Variants in COL4A3 observed in about 807,000 individuals in gnomAD.
COL4A3 encodes collagen type IV alpha 3 chain.
A neutral mutation model predicts 217.4 loss-of-function variants in COL4A3; 135 were observed. The ratio of observed to expected loss-of-function variants is 0.62; its 90% CI spans 0.54 to 0.72. COL4A3 has a LOEUF of 0.72. COL4A3 is among the 30% of genes least tolerant of loss of function. The probability of loss-of-function intolerance (pLI) is 0.00; values close to 1 mark genes in which losing one functional copy is unlikely to be tolerated. For synonymous variants in COL4A3, 690 were observed against 736.3 expected (o/e 0.94, Z 1.02); for missense variants, 1,868 against 2,119.9 (o/e 0.88, Z 2.33).
rs1056425176 is a variant in COL4A3 at position 227,311,897 on chromosome 2, T to A, written c.*27T>A. ...GCTAAAAAAGACAGCAGAACTGCTA[T>A]TTTTCATCCTAAAGAACAAAGTAAT... On this transcript the variant is annotated 3_prime_UTR_variant, in exon 52 of 52. Coordinates refer to ENST00000396578, the MANE Select transcript of COL4A3 (RefSeq NM_000091.5). 1.9e-6 allele frequency: 3 copies of A among 1,613,196 alleles called. No homozygotes were observed. Among genetic ancestry groups the A allele is most frequent in the Non-Finnish European group, 2.5e-6 (3 of 1,179,502 alleles).
At chr2:227,233,456 C>T (rs1348505617) in intron 1 of COL4A3, among the ~76,000 whole-genome samples, 1 of 152,220 alleles carries the variant, frequency 6.6e-6, no homozygotes, top group Non-Finnish European at 1.5e-5. Context: ...TGGACCCTGT[C>T]TCACTAGATT....
intron 1 of COL4A3, among the ~76,000 whole-genome samples, chr2:227,171,733 A>G (rs1458140187): frequency 6.6e-6 from 1 of 152,174 alleles, no homozygotes; most frequent in Non-Finnish European, 1.5e-5. Flanking sequence ...AATTCAACTG[A>G]GGGGCAGAAG....
At chr2:227,296,513 T>C (rs2073035145) in intron 41 of COL4A3, 1 of 982,120 alleles carries the variant, frequency 1.0e-6, no homozygotes, top group Non-Finnish European at 1.2e-6. Context: ...GAAGAGTTCA[T>C]TGAGACTTGG....
rs887921260 is a variant in COL4A3 at position 227,247,668 on chromosome 2, C to T, written c.468+84C>T. On this transcript the variant is annotated intron_variant, in intron 8 of 51. Transcript: ENST00000396578. ...GTCTATTAAATAATGAGACTTAAGTCATTACAAATAAGATTTCATAATCCA... is the reference window on the plus strand; with the variant it reads ...GTCTATTAAATAATGAGACTTAAGTTATTACAAATAAGATTTCATAATCCA... 3.6e-5 allele frequency: 47 copies of T among 1,309,798 alleles called. 1 individual carries two copies. Among genetic ancestry groups the T allele is most frequent in the Admixed American group, 6.7e-5 (4 of 59,512 alleles). 81.1% of individuals were successfully genotyped at this position (1,309,798 alleles called of 1,614,324 possible).
intron 1 of COL4A3, among the ~76,000 whole-genome samples, chr2:227,215,705 C>A (rs890765260): frequency 6.6e-6 from 1 of 152,066 alleles, no homozygotes; most frequent in African/African-American, 2.4e-5. Context: ...GTGATCCACC[C>A]GCCTCGGCCT....
intron 1 of COL4A3, among the ~76,000 whole-genome samples, chr2:227,166,265 A>T (rs544298442): frequency 6.6e-6 from 1 of 152,366 alleles, no homozygotes; most frequent in South Asian, 2.1e-4. Context: ...TACATTAGGA[A>T]TTCCCAGACC....
At chr2:227,284,076 T>G in intron 33 of COL4A3, 135 bp from the exon 34 acceptor site, 3 of 1,252,110 alleles carry the variant, frequency 2.4e-6, no homozygotes, top group South Asian at 2.6e-5. Context: ...CTGGGGAAAC[T>G]ATTTATCAAG....
In COL4A3 at chr2:227,277,395, T is replaced by C. The variant is rs55643512; in HGVS notation, c.2021-54T>C. 45,701 of 1,078,812 alleles carry C rather than the reference T, an allele frequency of 0.042. 1,395 individuals are homozygous for C. Among genetic ancestry groups the C allele is most frequent in the African/African-American group, 0.11 (6,867 of 64,492 alleles). The allele number at this position is 1,078,812 out of a possible 1,614,324, so 66.8% of individuals were successfully genotyped here. The stretch of plus-strand genomic sequence containing the variant: ...AGAACTTAGACATTTTCTTTTAAAA[T>C]AAGATGAAGGAAAGTTGCTGATGTG... On this transcript the variant is annotated intron_variant, in intron 27 of 51. Coordinates refer to ENST00000396578, the MANE Select transcript of COL4A3 (RefSeq NM_000091.5).
At chr2:227,170,109 C>T (rs2065422399) in intron 1 of COL4A3, among the ~76,000 whole-genome samples, 2 of 152,132 alleles carry the variant, frequency 1.3e-5, no homozygotes, top group Non-Finnish European at 2.9e-5. Context: ...GGTAGGTTAA[C>T]TGCTTGTTGT....
At chr2:227,220,473 G>T (rs2067733010) in intron 1 of COL4A3, among the ~76,000 whole-genome samples, 1 of 148,122 alleles carries the variant, frequency 6.8e-6, no homozygotes, top group South Asian at 2.2e-4. Context: ...GTGAGCCACT[G>T]TGCCCAACCA....
At chr2:227,307,549 A>G (rs1047151025) in intron 47 of COL4A3, among the ~76,000 whole-genome samples, 161 bp from the exon 48 acceptor site, 3 of 152,234 alleles carry the variant, frequency 2.0e-5, no homozygotes, top group Non-Finnish European at 4.4e-5. Context: ...ACTGCTTAAC[A>G]TTTAATAATA....
chr2:227,291,562 C>CAAA (rs869289707), intron 37 of COL4A3, among the ~76,000 whole-genome samples: 7 of 34,406 alleles, frequency 2.0e-4, no homozygotes, highest in African/African-American at 5.3e-4. Context: ...GACTCCGTCT[C>CAAA]AAAAAAAAAA....
chr2:227,211,006 T>C (rs892532141), intron 1 of COL4A3, among the ~76,000 whole-genome samples: 4 of 152,180 alleles, frequency 2.6e-5, no homozygotes, highest in African/African-American at 9.7e-5. Flanking sequence ...TGTTTTTGTT[T>C]TCATTTTTGT....
intron 1 of COL4A3, among the ~76,000 whole-genome samples, chr2:227,189,370 G>C (rs562072233): frequency 7.9e-5 from 12 of 152,134 alleles, no homozygotes; most frequent in Non-Finnish European, 1.3e-4. Context: ...AAGGTGTGGT[G>C]GTGATCCCCG....
Position 227,254,170 on chromosome 2 carries a change from C to T in COL4A3, c.824C>T (p.Pro275Leu), listed in dbSNP as rs372626966. The change falls in exon 14 of 52, where the codon CCC (proline) becomes CTC (leucine). Residue 275 changes from proline (P) to leucine (L), a missense_variant. Pro to Leu is a moderately conservative substitution (Grantham distance 98). Coordinates refer to ENST00000396578, the MANE Select transcript of COL4A3 (RefSeq NM_000091.5). ...ATGGGCGAGCCTGGACCTCCTGGACCCTCAGTAGGTTATTTAAAGTTATAT... is the reference window on the plus strand; with the variant it reads ...ATGGGCGAGCCTGGACCTCCTGGACTCTCAGTAGGTTATTTAAAGTTATAT... ...GAMGEPGPPG[P>L]SGLPGESYGS... The T allele has an allele frequency of 6.8e-5, 109 of 1,613,036 alleles. No individual in the cohort carries two copies. Among genetic ancestry groups the T allele is most frequent in the Admixed American group, 1.5e-4 (9 of 59,986 alleles).
In COL4A3 at chr2:227,295,269, G is replaced by T. The variant is rs763820297; in HGVS notation, c.3518G>T (p.Gly1173Val). 1.2e-6 allele frequency: 2 copies of T among 1,614,062 alleles called. No individual in the cohort carries two copies. The highest frequency in any genetic ancestry group is 1.7e-6 in the Non-Finnish European group (2 of 1,179,954). ...AACATGCCAAGATTATCTCTTTCAG[G>T]TTTATTGAGGGCCCCTCCAGGCCCA... ...PGPAGEKGET[G>V]LLRAPPGPRG... Residue 1173 changes from glycine (G) to valine (V), a missense_variant and splice_region_variant, in exon 41 of 52, where the codon GGT becomes GTT. By Grantham distance (109) the Gly-to-Val change is moderately radical. Around this residue, in one of 2 missense-constraint regions of COL4A3, gnomAD observed 1,503 missense variants for 1,786.1 expected, o/e 0.84. Coordinates refer to ENST00000396578, the MANE Select transcript of COL4A3 (RefSeq NM_000091.5).
Position 227,228,141 on chromosome 2 carries a change from G to A in COL4A3, c.88-9827G>A, listed in dbSNP as rs141970676. Among the ~76,000 whole-genome samples the A allele has an allele frequency of 1.6e-3, 244 of 152,310 alleles. 1 individual carries two copies. Among genetic ancestry groups the A allele is most frequent in the African/African-American group, 5.6e-3 (234 of 41,580 alleles). On this transcript the variant is annotated intron_variant, in intron 1 of 51. Transcript: ENST00000396578. ...CTAGACTAGTGATGTGTCTCTGGAC[G>A]GGAGTTGAGGGATAGGAAGTGGCAG...
At chr2:227,293,163 ATTT>A in intron 37 of COL4A3, 25 bp from the exon 38 acceptor site, 1 of 1,613,496 alleles carries the variant, frequency 6.2e-7, no homozygotes, top group Non-Finnish European at 8.5e-7. Context: ...TTATATGAGA[ATTT>A]TAAAGGTATT....
intron 25 of COL4A3, 34 bp downstream of exon 25, chr2:227,270,986 T>G (rs1459482424): frequency 6.3e-6 from 10 of 1,598,352 alleles, no homozygotes; most frequent in Non-Finnish European, 8.6e-6. Flanking sequence ...TCCCTATAAA[T>G]GAAGTACTCT....
Sources: allele counts gnomAD v4.1 joint callset (sites outside exome capture counted in the v4.1 genomes callset), GRCh38; gene constraint gnomAD v4.1.1; regional missense constraint gnomAD v4.1.1; transcripts MANE v1.5; gene names NCBI Gene and HGNC (gene_info 2026-07-23, HGNC 2026-07-21).